PBX3: variants seen among roughly 807,000 people sequenced by gnomAD.
The protein encoded by PBX3 is pre-B-cell leukemia transcription factor 3.
In PBX3, 14 loss-of-function variants were observed where a neutral mutation model predicts 48.5. That is an observed-to-expected ratio of 0.29 (90% confidence interval 0.19 to 0.45). The LOEUF (loss-of-function observed/expected upper bound fraction) is 0.45, where lower values mean the gene tolerates loss of function less well. Among genes scored for constraint, PBX3 ranks in the 20% least tolerant of loss-of-function variants. The pLI is 1.00. For synonymous variants in PBX3, 210 were observed against 200.3 expected, an observed-to-expected ratio of 1.05 and a Z score of -0.41; for missense variants, 386 against 546.7, an observed-to-expected ratio of 0.71 and a Z score of 2.93.
At chr9:125,926,214 A>G (rs1841571684) in intron 3 of PBX3, among the ~76,000 whole-genome samples, 1 of 152,226 alleles carries the variant, frequency 6.6e-6, no homozygotes, top group African/African-American at 2.4e-5. Flanking sequence ...AATTTGGCAT[A>G]AAATCATTTA....
chr9:125,787,790 C>T (rs969002232), intron 2 of PBX3, among the ~76,000 whole-genome samples: 2 of 152,036 alleles, frequency 1.3e-5, no homozygotes, highest in African/African-American at 2.4e-5. Flanking sequence ...AGGTGACTGG[C>T]GGAGTAAAAG....
Position 125,759,146 on chromosome 9 carries a change from C to CT in PBX3, c.274+10524dup, listed in dbSNP as rs1296474699. Among the ~76,000 whole-genome samples the CT allele has an allele frequency of 2.0e-5, 3 of 152,278 alleles. No homozygotes were observed. The East Asian group carries it at 5.8e-4, about 29-fold the overall frequency. On this transcript the variant is annotated intron_variant, in intron 2 of 8. Transcript: ENST00000373489. This position sits in a 1 kb window ranked among gnomAD's most constrained non-coding sequence, Gnocchi z 4.2. ...AAATGTGGTCAGGTCCAGAGTGACA[C>CT]TGAGTGGCAGCAGAGCTGTGGTCAG...
intron 2 of PBX3, among the ~76,000 whole-genome samples, chr9:125,755,808 CA>C (rs887657570): frequency 2.0e-5 from 3 of 149,158 alleles, no homozygotes; most frequent in African/African-American, 7.4e-5. Flanking sequence ...TGAAATGTTA[CA>C]GGATTTTTCT....
At chr9:125,913,790 C>T (rs986406031) in intron 2 of PBX3, among the ~76,000 whole-genome samples, 4 of 152,058 alleles carry the variant, frequency 2.6e-5, no homozygotes, top group African/African-American at 7.2e-5. Flanking sequence ...AGGAGAGGCA[C>T]CAGTGTCTAT....
intron 2 of PBX3, among the ~76,000 whole-genome samples, chr9:125,813,455 G>A (rs1386121240): frequency 1.3e-5 from 2 of 152,194 alleles, no homozygotes; most frequent in African/African-American, 4.8e-5. Context: ...GTGTATAACA[G>A]TAAATGCAAA....
At chr9:125,749,336 A>T in intron 2 of PBX3, 1 of 152,200 alleles carries the variant, frequency 6.6e-6, no homozygotes, top group Non-Finnish European at 1.5e-5. Flanking sequence ...CTGGAATGAA[A>T]ACTACAGGTA....
intron 2 of PBX3, among the ~76,000 whole-genome samples, chr9:125,899,288 T>G (rs1241336457): frequency 3.3e-4 from 41 of 123,250 alleles, no homozygotes; most frequent in African/African-American, 1.3e-3. Flanking sequence ...TGTATATATA[T>G]TTATATATAA....
At chr9:125,911,982 G>C (rs1447265627) in intron 2 of PBX3, among the ~76,000 whole-genome samples, 2 of 152,130 alleles carry the variant, frequency 1.3e-5, no homozygotes, top group African/African-American at 4.8e-5. Context: ...GCTATGGTCT[G>C]AAGCCATACT....
chr9:125,896,746 A>G (rs1028715267), intron 2 of PBX3, among the ~76,000 whole-genome samples: 1 of 152,030 alleles, frequency 6.6e-6, no homozygotes, highest in Non-Finnish European at 1.5e-5. Context: ...AAGTTCTTCA[A>G]TCTGAACCCA....
At chr9:125,891,092 T>G (rs1464747197) in intron 2 of PBX3, among the ~76,000 whole-genome samples, 2 of 152,250 alleles carry the variant, frequency 1.3e-5, no homozygotes, top group African/African-American at 4.8e-5. Context: ...TTTTTCTTTC[T>G]TTCTATGTAT....
chr9:125,801,784 TACACATAC>T (rs1837953545), intron 2 of PBX3, among the ~76,000 whole-genome samples: 2 of 74,250 alleles, frequency 2.7e-5, no homozygotes, highest in Admixed American at 3.0e-4. Flanking sequence ...TGAACATGTA[TACACATAC>T]ACACACACAC....
chr9:125,795,230 A>G (rs1000957512), intron 2 of PBX3, among the ~76,000 whole-genome samples: 1 of 152,240 alleles, frequency 6.6e-6, no homozygotes, highest in African/African-American at 2.4e-5. Context: ...ATTGAAGTGT[A>G]TTCTGAGGTG....
chr9:125,867,200 A>G (rs1840002593), intron 2 of PBX3, among the ~76,000 whole-genome samples: 1 of 152,068 alleles, frequency 6.6e-6, no homozygotes, highest in African/African-American at 2.4e-5. Context: ...TTCACCATAG[A>G]TGTGTCCCCG....
chr9:125,841,721 C>A (rs1187049071), intron 2 of PBX3, among the ~76,000 whole-genome samples: 1 of 152,126 alleles, frequency 6.6e-6, no homozygotes, highest in African/African-American at 2.4e-5. Context: ...GTTGAATGGG[C>A]AGTGCTTACT....
chr9:125,859,563 G>A (rs1384436315), intron 2 of PBX3, among the ~76,000 whole-genome samples: 2 of 152,308 alleles, frequency 1.3e-5, no homozygotes, highest in Admixed American at 6.5e-5. Flanking sequence ...GAAAACTGAG[G>A]CTCAGAGAAG....
intron 2 of PBX3, among the ~76,000 whole-genome samples, chr9:125,777,407 G>A (rs1234463872): frequency 6.6e-6 from 1 of 151,570 alleles, no homozygotes; most frequent in African/African-American, 2.4e-5. Flanking sequence ...CCAGGCTGGA[G>A]TGCAGTGGCG....
chr9:125,875,134 G>A (rs1487563451), intron 2 of PBX3, among the ~76,000 whole-genome samples: 1 of 152,078 alleles, frequency 6.6e-6, no homozygotes, highest in Non-Finnish European at 1.5e-5. Context: ...GGGGATACAT[G>A]GAACTCCTAG....
At chr9:125,790,316 G>T (rs966670996) in intron 2 of PBX3, among the ~76,000 whole-genome samples, 1 of 148,176 alleles carries the variant, frequency 6.7e-6, no homozygotes, top group African/African-American at 2.5e-5. Context: ...GTGGTAGCGC[G>T]ATCTCAGCTC....
intron 3 of PBX3, 139 bp from the exon 4 acceptor site, chr9:125,929,516 A>G: frequency 1.8e-6 from 1 of 561,332 alleles, no homozygotes; most frequent in Admixed American, 3.5e-5. Flanking sequence ...CCATTTTACA[A>G]GTGTCTTAGT....
Sources: gnomAD v4.1 joint callset for allele counts (sites outside exome capture counted in the v4.1 genomes callset) on GRCh38, gnomAD v4.1.1 for gene constraint, Gnocchi (gnomAD v3.1) non-coding constraint, MANE v1.5 for transcripts, NCBI Gene and HGNC (gene_info 2026-07-23, HGNC 2026-07-21) for gene names.